Variants in PBX3 observed in about 807,000 individuals in gnomAD.
The protein encoded by PBX3 is pre-B-cell leukemia transcription factor 3.
Under a neutral mutation model 48.5 loss-of-function variants are expected in PBX3, and 14 were observed. That is an observed-to-expected ratio of 0.29 (90% CI 0.19 to 0.45). The LOEUF (loss-of-function observed/expected upper bound fraction) is 0.45. Ranked by LOEUF, PBX3 falls within the 20% of genes least tolerant of loss-of-function variation. The pLI, the probability that PBX3 is intolerant of heterozygous loss-of-function variation, is 1.00. For synonymous variants in PBX3, 210 were observed against 200.3 expected (o/e 1.05, Z -0.41); for missense variants, 386 against 546.7 (o/e 0.71, Z 2.93).
intron 2 of PBX3, among the ~76,000 whole-genome samples, chr9:125,900,124 C>A (rs180973594): frequency 1.9e-3 from 287 of 151,400 alleles, no homozygotes; most frequent in African/African-American, 6.7e-3. Flanking sequence ...AAATAGTGAC[C>A]CGACATGATT....
chr9:125,937,176 TTCAAAAAC>T (rs1289344450), intron 5 of PBX3, among the ~76,000 whole-genome samples: 2 of 152,206 alleles, frequency 1.3e-5, no homozygotes, highest in East Asian at 3.9e-4. Context: ...TATCATCTAT[TTCAAAAAC>T]AATAGAATCT....
intron 5 of PBX3, among the ~76,000 whole-genome samples, chr9:125,942,111 A>G (rs1237677289): frequency 2.0e-5 from 3 of 152,226 alleles, no homozygotes; most frequent in Non-Finnish European, 2.9e-5. Context: ...TAACATCACA[A>G]TCTAACCCAT....
intron 2 of PBX3, among the ~76,000 whole-genome samples, chr9:125,817,713 C>T (rs1838507413): frequency 6.6e-6 from 1 of 152,180 alleles, no homozygotes; most frequent in Admixed American, 6.5e-5. Flanking sequence ...GATTCTAACT[C>T]ACTGTAAAGT....
intron 2 of PBX3, among the ~76,000 whole-genome samples, chr9:125,783,622 C>T (rs1315671890): frequency 6.6e-6 from 1 of 152,096 alleles, no homozygotes; most frequent in Non-Finnish European, 1.5e-5. Flanking sequence ...TTTGCTAATA[C>T]TCTGTTTTTG....
intron 2 of PBX3, among the ~76,000 whole-genome samples, chr9:125,908,692 G>T (rs1841133404): frequency 6.6e-6 from 1 of 151,970 alleles, no homozygotes; most frequent in Non-Finnish European, 1.5e-5. Context: ...TAAAGCCAGG[G>T]TTTTAATTCT....
At chr9:125,798,757 GT>G in intron 2 of PBX3, among the ~76,000 whole-genome samples, 1 of 152,144 alleles carries the variant, frequency 6.6e-6, no homozygotes, top group South Asian at 2.1e-4. Flanking sequence ...GCTGTGGTAG[GT>G]AATGGACTCT....
intron 2 of PBX3, among the ~76,000 whole-genome samples, chr9:125,878,582 G>A (rs1182181458): frequency 1.3e-5 from 2 of 152,194 alleles, no homozygotes; most frequent in Non-Finnish European, 2.9e-5. Flanking sequence ...TTGATGGAAG[G>A]ACAGTGTTTG....
intron 3 of PBX3, among the ~76,000 whole-genome samples, chr9:125,921,560 T>C (rs147701809): frequency 6.6e-6 from 1 of 152,310 alleles, no homozygotes; most frequent in East Asian, 1.9e-4. Flanking sequence ...ATAATCCTTA[T>C]AAAACCCTCA....
chr9:125,759,062 T>C lies in PBX3; in HGVS notation c.274+10439T>C, dbSNP rs1588120926. Among the ~76,000 whole-genome samples, 1 of 152,186 alleles carries C rather than the reference T, an allele frequency of 6.6e-6. No individual in the cohort carries two copies. Among genetic ancestry groups the C allele is most frequent in the South Asian group, 2.1e-4 (1 of 4,820 alleles). ...AGAGGTGGCAGCAGAACTACTCAAC[T>C]TAGGCAGAGAAAGTAGTGGAAATGG... is the stretch of plus-strand genomic sequence containing the variant. On this transcript the variant is annotated intron_variant, in intron 2 of 8. Transcript: ENST00000373489. This position sits in a 1 kb window ranked among gnomAD's most constrained non-coding sequence, Gnocchi z 4.2.
chr9:125,838,295 C>T (rs1839196098), intron 2 of PBX3, among the ~76,000 whole-genome samples: 1 of 152,182 alleles, frequency 6.6e-6, no homozygotes, highest in African/African-American at 2.4e-5. Flanking sequence ...AGCGATCCTC[C>T]AGTGTAGGTC....
chr9:125,928,932 T>C (rs995175058), intron 3 of PBX3, among the ~76,000 whole-genome samples: 4 of 152,210 alleles, frequency 2.6e-5, no homozygotes, highest in African/African-American at 9.6e-5. Flanking sequence ...CAAGGCCCTT[T>C]ATGTGCTAAT....
chr9:125,783,148 T>C (rs940594464), intron 2 of PBX3, among the ~76,000 whole-genome samples: 1 of 152,228 alleles, frequency 6.6e-6, no homozygotes, highest in Non-Finnish European at 1.5e-5. Flanking sequence ...CGTCCCTTTC[T>C]GTCTCTCCTT....
At chr9:125,845,141 C>T (rs75212697) in intron 2 of PBX3, among the ~76,000 whole-genome samples, 6,137 of 152,024 alleles carry the variant, frequency 0.04, 302 homozygotes, top group East Asian at 0.17. Flanking sequence ...GCTATGTCTC[C>T]GTACCTAAAT....
chr9:125,822,016 T>G (rs1838666840), intron 2 of PBX3, among the ~76,000 whole-genome samples: 1 of 152,078 alleles, frequency 6.6e-6, no homozygotes. Flanking sequence ...ATGATGGCAA[T>G]TTCATAAAGC....
chr9:125,824,794 T>C (rs994890298), intron 2 of PBX3, among the ~76,000 whole-genome samples: 1 of 152,082 alleles, frequency 6.6e-6, no homozygotes, highest in Admixed American at 6.5e-5. Flanking sequence ...AGCATTGCTA[T>C]CTGTAGCCGC....
intron 5 of PBX3, among the ~76,000 whole-genome samples, chr9:125,950,793 T>C (rs754089312): frequency 6.6e-6 from 1 of 152,198 alleles, no homozygotes; most frequent in African/African-American, 2.4e-5. Context: ...AATTTGCAAC[T>C]TATTTTCTTA....
intron 5 of PBX3, among the ~76,000 whole-genome samples, chr9:125,957,524 G>T (rs1202672186): frequency 1.3e-5 from 2 of 152,170 alleles, no homozygotes; most frequent in African/African-American, 2.4e-5. Context: ...TGGTCCAGGG[G>T]TATGCATAAA....
At chr9:125,825,479 GTTTTAC>G (rs1170521076) in intron 2 of PBX3, among the ~76,000 whole-genome samples, 1 of 147,318 alleles carries the variant, frequency 6.8e-6, no homozygotes, top group African/African-American at 2.5e-5. Context: ...GATTGATATT[GTTTTAC>G]TTTTTTTTTT....
chr9:125,832,101 A>G (rs1468473253), intron 2 of PBX3, among the ~76,000 whole-genome samples: 2 of 152,120 alleles, frequency 1.3e-5, no homozygotes, highest in Admixed American at 1.3e-4. Context: ...TTTTATATTT[A>G]TATATCTTTT....
Sources: allele counts gnomAD v4.1 joint callset (sites outside exome capture counted in the v4.1 genomes callset), GRCh38; gene constraint gnomAD v4.1.1; non-coding constraint Gnocchi (gnomAD v3.1); transcripts MANE v1.5; gene names NCBI Gene and HGNC (gene_info 2026-07-23, HGNC 2026-07-21).